The following PXYLP1 variants were observed in gnomAD, a reference collection of about 807,000 sequenced individuals.
PXYLP1 encodes the protein 2-phosphoxylose phosphatase 1, also known as acid phosphatase-like 2.
In PXYLP1, 17 loss-of-function variants were observed where a neutral mutation model predicts 37.9. The ratio of observed to expected loss-of-function variants is 0.45; its 90% CI spans 0.31 to 0.67. The LOEUF is 0.67. Ranked by LOEUF, PXYLP1 falls within the 30% of genes least tolerant of loss-of-function variation. PXYLP1 has a pLI of 0.07. For synonymous variants in PXYLP1, 221 were observed against 232.2 expected (o/e 0.95, Z 0.44); for missense variants, 511 against 612.0 (o/e 0.84, Z 1.74).
At chr3:141,257,926 AG>A (rs1390520254) in intron 1 of PXYLP1, among the ~76,000 whole-genome samples, 69 of 134,068 alleles carry the variant, frequency 5.1e-4, no homozygotes, top group African/African-American at 1.1e-3. Flanking sequence ...AAAAAAAAAA[AG>A]AGAGAGAGAG....
At position 141,292,821 on chromosome 3, in the gene PXYLP1, GAACCA is replaced by G. The variant is rs764353806; in HGVS notation, c.1065_1069del (p.Gln355HisfsTer23). 1.9e-6 allele frequency: 3 copies of G among 1,613,976 alleles called. No individual in the cohort carries two copies. The South Asian group carries it at 3.3e-5, about 18-fold the overall frequency. Reference sequence around the variant, plus strand: ...CTCTCCTGGGTGCCCACCCCATCCTGAACCAAACCATCGGCCGGATGCAGCGTGCC... The same window carrying G: ...CTCTCCTGGGTGCCCACCCCATCCTGAACCATCGGCCGGATGCAGCGTGCC... On this transcript the variant is annotated frameshift_variant, in exon 6 of 6. Coordinates refer to ENST00000286353, the MANE Select transcript of PXYLP1 (RefSeq NM_001037172.3). LOFTEE classifies it high-confidence loss of function. The surrounding 1 kb of genome is among the most constrained non-coding windows in gnomAD (Gnocchi z 4.3).
Position 141,292,764 on chromosome 3 carries a change from A to G in PXYLP1, c.1002A>G (p.Glu334=), listed in dbSNP as rs1289777095. 1.9e-6 allele frequency: 3 copies of G among 1,613,592 alleles called. No individual in the cohort carries two copies. Among genetic ancestry groups the G allele is most frequent in the Non-Finnish European group, 2.5e-6 (3 of 1,179,740 alleles). ...IKTHQIEDER[E]RREKKLYFGY... ...CCCATCAGATCGAGGATGAAAGGGAAAGACGGGAGAAGAAATTGTACTTCG... is the reference window on the plus strand; with the variant it reads ...CCCATCAGATCGAGGATGAAAGGGAGAGACGGGAGAAGAAATTGTACTTCG... Residue 334 remains glutamate (E), a synonymous_variant, in exon 6 of 6, where the codon GAA becomes GAG. Transcript: ENST00000286353. The surrounding 1 kb of genome is among the most constrained non-coding windows in gnomAD (Gnocchi z 4.3).
intron 1 of PXYLP1, among the ~76,000 whole-genome samples, chr3:141,244,727 G>A (rs141111834): frequency 6.6e-6 from 1 of 151,114 alleles, no homozygotes; most frequent in East Asian, 1.9e-4. Flanking sequence ...GACAAACTGT[G>A]ATTTTCCAAC....
At position 141,293,121 on chromosome 3, in the gene PXYLP1, C is replaced by T. The variant is rs762789030; in HGVS notation, c.1359C>T (p.Val453=). The T allele has an allele frequency of 1.9e-6, 3 of 1,614,186 alleles. No individual in the cohort carries two copies. The highest frequency in any genetic ancestry group is 2.2e-5 in the South Asian group (2 of 91,088). The change falls in exon 6 of 6, where the codon GTC becomes GTT. Residue 453 remains valine, a synonymous_variant. Coordinates refer to ENST00000286353, the MANE Select transcript of PXYLP1 (RefSeq NM_001037172.3). ...PKPMCPLENL[V]RFVKRDMFVA... is the part of the protein sequence containing the mutation. ...CCATGTGCCCGCTTGAAAACTTGGT[C>T]CGCTTTGTGAAAAGGGACATGTTTG...
At chr3:141,270,644 G>A (rs962041799) in intron 2 of PXYLP1, among the ~76,000 whole-genome samples, 6 of 152,280 alleles carry the variant, frequency 3.9e-5, no homozygotes, top group African/African-American at 1.2e-4. Context: ...TGGCAGGACT[G>A]GGGGTGTTTT....
At chr3:141,260,693 C>T (rs1209297643) in intron 2 of PXYLP1, among the ~76,000 whole-genome samples, 2 of 152,206 alleles carry the variant, frequency 1.3e-5, no homozygotes, top group East Asian at 3.9e-4. Flanking sequence ...CCCCAGGCAG[C>T]AGGGGCTGCA....
intron 1 of PXYLP1, among the ~76,000 whole-genome samples, chr3:141,243,071 G>T (rs1385091725): frequency 6.6e-6 from 1 of 152,206 alleles, no homozygotes; most frequent in African/African-American, 2.4e-5. Context: ...CAGTGCCAGG[G>T]AGGGACCATG....
intron 2 of PXYLP1, chr3:141,262,687 T>C: frequency 6.5e-7 from 1 of 1,534,842 alleles, no homozygotes; most frequent in Non-Finnish European, 8.7e-7. Flanking sequence ...ATCGGAAAGA[T>C]ATTAAGATAT....
chr3:141,273,681 G>A, intron 2 of PXYLP1: 1 of 985,400 alleles, frequency 1.0e-6, no homozygotes, highest in Non-Finnish European at 1.2e-6. Flanking sequence ...CTTTACACAT[G>A]AGGGTTATAG....
intron 2 of PXYLP1, among the ~76,000 whole-genome samples, chr3:141,260,584 T>C (rs2148754091): frequency 6.6e-6 from 1 of 152,268 alleles, no homozygotes; most frequent in East Asian, 1.9e-4. Flanking sequence ...TTTGATTGGG[T>C]CCTTGCAAGT....
rs906205779 is a variant in PXYLP1, at chr3:141,256,523, T to TAC, written c.-53-3587_-53-3586dup. ...GGACACAGGCACGTGCACGTATACA[T>TAC]ACACACACACACACGTATGCGCGTG... On this transcript the variant is annotated intron_variant, in intron 1 of 5. Coordinates refer to ENST00000286353, the MANE Select transcript of PXYLP1 (RefSeq NM_001037172.3). Among the ~76,000 whole-genome samples the TAC allele has an allele frequency of 1.7e-4, 26 of 151,810 alleles. 1 individual carries two copies. Among genetic ancestry groups the TAC allele is most frequent in the South Asian group, 4.2e-4 (2 of 4,806 alleles).
In PXYLP1 at chr3:141,274,927, G is replaced by A. The variant is rs533470504; in HGVS notation, c.80-3415G>A. 3.9e-5 allele frequency among the ~76,000 whole-genome samples: 6 copies of A among 152,284 alleles called. No individual in the cohort carries two copies. The East Asian group carries it at 5.8e-4, about 15-fold the overall frequency. ...TGCCAGCAAACGGTGGAGCATAGGC[G>A]AGAAACATCCTGTGGGGTGGGATGG... On this transcript the variant is annotated intron_variant, in intron 2 of 5. Coordinates refer to ENST00000286353, the MANE Select transcript of PXYLP1 (RefSeq NM_001037172.3).
chr3:141,254,381 T>C (rs181407893), intron 1 of PXYLP1, among the ~76,000 whole-genome samples: 37 of 152,312 alleles, frequency 2.4e-4, no homozygotes, highest in Admixed American at 1.8e-3. Flanking sequence ...TCTCAGGAAA[T>C]GTTATTTTGA....
intron 2 of PXYLP1, among the ~76,000 whole-genome samples, chr3:141,274,790 C>T (rs534940613): frequency 2.0e-5 from 3 of 152,282 alleles, no homozygotes; most frequent in Admixed American, 1.3e-4. Flanking sequence ...TGGGTAGGCT[C>T]ATAGAAGAGG....
chr3:141,266,432 C>T (rs558773975), intron 2 of PXYLP1, among the ~76,000 whole-genome samples: 2 of 152,146 alleles, frequency 1.3e-5, no homozygotes, highest in South Asian at 4.2e-4. Context: ...TGAATTTGTG[C>T]CCTGCGGTGC....
At chr3:141,248,602 TATACACAC>T (rs1429039975) in intron 1 of PXYLP1, among the ~76,000 whole-genome samples, 6,106 of 83,854 alleles carry the variant, frequency 0.073, 1,527 homozygotes, top group Middle Eastern at 0.11. Flanking sequence ...CACGTGTATA[TATACACAC>T]GTATATATAC....
At chr3:141,254,565 A>T (rs1941217595) in intron 1 of PXYLP1, among the ~76,000 whole-genome samples, 1 of 152,110 alleles carries the variant, frequency 6.6e-6, no homozygotes, top group Non-Finnish European at 1.5e-5. Context: ...TCTTCATCAG[A>T]CTTCAAGGTT....
At chr3:141,284,931 G>A (rs1942035837) in intron 4 of PXYLP1, among the ~76,000 whole-genome samples, 1 of 152,080 alleles carries the variant, frequency 6.6e-6, no homozygotes, top group South Asian at 2.1e-4. Flanking sequence ...AAACATCCAA[G>A]GATGGGACAC....
At chr3:141,268,202 A>AGTGTGT (rs1443640563) in intron 2 of PXYLP1, among the ~76,000 whole-genome samples, 1 of 37,346 alleles carries the variant, frequency 2.7e-5, no homozygotes, top group African/African-American at 7.5e-5. Context: ...AGAGAGAGAG[A>AGTGTGT]GAGAGTGTGT....
Sources: allele counts gnomAD v4.1 joint callset (sites outside exome capture counted in the v4.1 genomes callset), GRCh38; gene constraint gnomAD v4.1.1; non-coding constraint Gnocchi (gnomAD v3.1); transcripts MANE v1.5; gene names NCBI Gene and HGNC (gene_info 2026-07-23, HGNC 2026-07-21).